Variants in KIF26B observed in about 807,000 individuals in gnomAD.
The protein encoded by KIF26B is kinesin family member 26B.
Under a neutral mutation model 151.2 loss-of-function variants are expected in KIF26B, and 63 were observed. The ratio of observed to expected loss-of-function variants is 0.42; its 90% confidence interval spans 0.34 to 0.51. KIF26B has a LOEUF of 0.51. Ranked by LOEUF, KIF26B falls within the 20% of genes least tolerant of loss-of-function variation. The pLI is 0.07. For synonymous variants in KIF26B, 1,357 were observed against 1,262.1 expected (o/e 1.08, Z -1.59); for missense variants, 2,813 against 2,913.6 (o/e 0.97, Z 0.79).
chr1:245,594,030 G>A (rs1200356032), intron 5 of KIF26B, among the ~76,000 whole-genome samples: 1 of 151,922 alleles, frequency 6.6e-6, no homozygotes, highest in Non-Finnish European at 1.5e-5. Flanking sequence ...TTTTTTTCTT[G>A]TAAATTTGTT....
chr1:245,605,579 A>G (rs1276844129), intron 6 of KIF26B, among the ~76,000 whole-genome samples: 1 of 152,174 alleles, frequency 6.6e-6, no homozygotes, highest in Non-Finnish European at 1.5e-5. Context: ...CTGTTGGGAC[A>G]CGTCTCTGCT....
intron 2 of KIF26B, among the ~76,000 whole-genome samples, chr1:245,209,593 G>T (rs1291611707): frequency 6.6e-6 from 1 of 152,148 alleles, no homozygotes; most frequent in Non-Finnish European, 1.5e-5. Flanking sequence ...CCTGGGGTGA[G>T]CCGGGAAGCC....
chr1:245,170,316 G>A lies in KIF26B; in HGVS notation c.465+13633G>A, dbSNP rs563018475. Among the ~76,000 whole-genome samples the A allele has an allele frequency of 5.3e-5, 8 of 152,286 alleles. No homozygotes were observed. The highest frequency in any genetic ancestry group is 2.1e-4 in the South Asian group (1 of 4,818). On this transcript the variant is annotated intron_variant, in intron 2 of 14. Transcript: ENST00000407071. The surrounding 1 kb of genome is among the most constrained non-coding windows in gnomAD (Gnocchi z 4.4). ...TGGGTCGGCTGGTTTGAGGGTCCTT[G>A]CATTTCTTGTCAGTCAATACGTCCT...
chr1:245,424,938 T>C (rs759149578), intron 4 of KIF26B, among the ~76,000 whole-genome samples: 15 of 151,958 alleles, frequency 9.9e-5, no homozygotes, highest in Non-Finnish European at 1.5e-5. Context: ...CCTTTTTTTT[T>C]CGAGAAAAGA....
At chr1:245,497,584 TTGAAA>T (rs1660538712) in intron 4 of KIF26B, among the ~76,000 whole-genome samples, 1 of 152,120 alleles carries the variant, frequency 6.6e-6, no homozygotes, top group African/African-American at 2.4e-5. Flanking sequence ...AGACAATAGT[TTGAAA>T]TGAAATGATG....
intron 5 of KIF26B, among the ~76,000 whole-genome samples, chr1:245,570,781 A>G (rs2043059876): frequency 6.6e-6 from 1 of 152,226 alleles, no homozygotes; most frequent in South Asian, 2.1e-4. Context: ...CATTAAACAT[A>G]AGGTCGCAAA....
intron 3 of KIF26B, among the ~76,000 whole-genome samples, chr1:245,404,415 T>G (rs1329479666): frequency 6.6e-6 from 1 of 152,164 alleles, no homozygotes; most frequent in Non-Finnish European, 1.5e-5. Context: ...CCCTCAGGGC[T>G]GGGGATCCCT....
chr1:245,454,729 G>A (rs891007508), intron 4 of KIF26B, among the ~76,000 whole-genome samples: 4 of 152,190 alleles, frequency 2.6e-5, no homozygotes, highest in African/African-American at 9.7e-5. Context: ...TCTCTGGCAG[G>A]AGAGCCACCA....
chr1:245,588,244 C>T (rs569008361), intron 5 of KIF26B, among the ~76,000 whole-genome samples: 66 of 152,276 alleles, frequency 4.3e-4, no homozygotes, highest in East Asian at 3.9e-4. Context: ...CCCTAACCCC[C>T]ATCTGATCTT....
At chr1:245,259,810 CTGTAGTCCCAG>C (rs1430108560) in intron 2 of KIF26B, among the ~76,000 whole-genome samples, 1 of 151,972 alleles carries the variant, frequency 6.6e-6, no homozygotes, top group East Asian at 1.9e-4. Context: ...TGGCATGCAC[CTGTAGTCCCAG>C]CTCCTTGGGA....
chr1:245,276,931 C>T (rs955922126), intron 2 of KIF26B, among the ~76,000 whole-genome samples: 3 of 152,010 alleles, frequency 2.0e-5, no homozygotes, highest in African/African-American at 7.2e-5. Context: ...ATGAGATCTT[C>T]TTAGATTAGG....
chr1:245,292,656 C>A (rs954058526), intron 2 of KIF26B, among the ~76,000 whole-genome samples: 2 of 152,206 alleles, frequency 1.3e-5, no homozygotes, highest in Non-Finnish European at 2.9e-5. Context: ...GACACAGAGG[C>A]CTTCCTTCTG....
chr1:245,366,496 G>T (rs190626023), intron 2 of KIF26B, among the ~76,000 whole-genome samples: 2 of 149,354 alleles, frequency 1.3e-5, no homozygotes, highest in South Asian at 4.2e-4. Flanking sequence ...GTGCCATTGC[G>T]CTCCAGCCTG....
chr1:245,385,637 G>T (rs969292899), intron 3 of KIF26B, among the ~76,000 whole-genome samples: 4 of 152,220 alleles, frequency 2.6e-5, no homozygotes, highest in African/African-American at 9.6e-5. Context: ...GGGAGCTGGG[G>T]AAGAGGCAGA....
At chr1:245,267,706 A>G (rs1670774044) in intron 2 of KIF26B, among the ~76,000 whole-genome samples, 1 of 151,898 alleles carries the variant, frequency 6.6e-6, no homozygotes, top group Non-Finnish European at 1.5e-5. Context: ...GTGATAAAGA[A>G]GCAAGAATTC....
intron 2 of KIF26B, among the ~76,000 whole-genome samples, chr1:245,323,199 T>C (rs1671920870): frequency 6.6e-6 from 1 of 152,238 alleles, no homozygotes; most frequent in Non-Finnish European, 1.5e-5. Context: ...CATGGATTTG[T>C]GTAGATATGT....
intron 10 of KIF26B, among the ~76,000 whole-genome samples, chr1:245,650,255 T>C (rs942377183): frequency 9.8e-5 from 15 of 152,378 alleles, no homozygotes; most frequent in African/African-American, 3.4e-4. Flanking sequence ...ATTTTCTTTA[T>C]TCGGTACATT....
At chr1:245,587,219 T>G (rs934252837) in intron 5 of KIF26B, among the ~76,000 whole-genome samples, 2 of 152,144 alleles carry the variant, frequency 1.3e-5, no homozygotes, top group Non-Finnish European at 2.9e-5. Context: ...ATGAAATCTT[T>G]CCTGGCCCCA....
intron 2 of KIF26B, among the ~76,000 whole-genome samples, chr1:245,189,301 G>A (rs999365728): frequency 1.3e-5 from 2 of 152,146 alleles, no homozygotes; most frequent in African/African-American, 4.8e-5. Flanking sequence ...CTCTTCTTAT[G>A]TTATTCCAGG....
Sources: allele counts gnomAD v4.1 joint callset (sites outside exome capture counted in the v4.1 genomes callset), GRCh38; gene constraint gnomAD v4.1.1; non-coding constraint Gnocchi (gnomAD v3.1); transcripts MANE v1.5; gene names NCBI Gene and HGNC (gene_info 2026-07-23, HGNC 2026-07-21).